The following ENOX1 variants were observed in gnomAD, a reference collection of about 807,000 sequenced individuals.
ENOX1 encodes the protein ecto-NOX disulfide-thiol exchanger 1, also known as candidate growth-related and time keeping constitutive hydroquinone (NADH) oxidase.
In ENOX1, 42 loss-of-function variants were observed where a neutral mutation model predicts 82.5. That is an observed-to-expected ratio of 0.51 (90% CI 0.40 to 0.66). The LOEUF is 0.66. Ranked by LOEUF, ENOX1 falls within the 30% of genes least tolerant of loss-of-function variation. The pLI is 0.00. For synonymous variants in ENOX1, 271 were observed against 282.2 expected (o/e 0.96, Z 0.40); for missense variants, 608 against 811.6 (o/e 0.75, Z 3.05).
chr13:43,410,207 T>C (rs1462922603), intron 5 of ENOX1, among the ~76,000 whole-genome samples: 1 of 152,178 alleles, frequency 6.6e-6, no homozygotes, highest in African/African-American at 2.4e-5. Context: ...CTGAGAGAAG[T>C]AGGAGGTGAG....
intron 2 of ENOX1, among the ~76,000 whole-genome samples, chr13:43,584,799 CCT>C (rs1311701636): frequency 6.6e-6 from 1 of 152,108 alleles, no homozygotes; most frequent in Non-Finnish European, 1.5e-5. Context: ...TCCTGCTCCC[CCT>C]GTTGATCCAT....
At chr13:43,701,667 T>C (rs374856187) in intron 1 of ENOX1, among the ~76,000 whole-genome samples, 2 of 152,208 alleles carry the variant, frequency 1.3e-5, no homozygotes, top group East Asian at 3.8e-4. Flanking sequence ...TCCAGAACTA[T>C]ATTTTTGGGA....
chr13:43,606,077 T>C (rs558162233), intron 2 of ENOX1, among the ~76,000 whole-genome samples: 1 of 152,146 alleles, frequency 6.6e-6, no homozygotes, highest in East Asian at 1.9e-4. Context: ...TCATTGACCA[T>C]CAGAGAAATG....
chr13:43,304,464 G>A (rs997127885), intron 11 of ENOX1, among the ~76,000 whole-genome samples: 5 of 152,098 alleles, frequency 3.3e-5, no homozygotes, highest in Admixed American at 1.3e-4. Context: ...TGTAAGTGCC[G>A]CCCATCCCAG....
intron 1 of ENOX1, among the ~76,000 whole-genome samples, chr13:43,679,460 C>T (rs1293857144): frequency 2.0e-5 from 3 of 152,192 alleles, no homozygotes; most frequent in Non-Finnish European, 4.4e-5. Flanking sequence ...TGCTCCATCC[C>T]TCATGTTTTA....
chr13:43,610,444 T>C (rs2082150669), intron 2 of ENOX1, among the ~76,000 whole-genome samples: 1 of 152,208 alleles, frequency 6.6e-6, no homozygotes, highest in South Asian at 2.1e-4. Flanking sequence ...TTCAAAATGA[T>C]ATTTTTAAAG....
At chr13:43,400,597 T>C (rs1033115151) in intron 5 of ENOX1, among the ~76,000 whole-genome samples, 3 of 152,168 alleles carry the variant, frequency 2.0e-5, no homozygotes, top group Non-Finnish European at 4.4e-5. Flanking sequence ...TTCATAGAAG[T>C]CTACTTGATG....
chr13:43,392,933 T>C (rs1398758365), intron 5 of ENOX1, among the ~76,000 whole-genome samples: 1 of 152,208 alleles, frequency 6.6e-6, no homozygotes, highest in Non-Finnish European at 1.5e-5. Flanking sequence ...TTTCTCTGTG[T>C]TCAGCCACGA....
intron 2 of ENOX1, among the ~76,000 whole-genome samples, chr13:43,535,136 TAC>T (rs1181688030): frequency 3.3e-5 from 5 of 152,302 alleles, no homozygotes; most frequent in Admixed American, 2.6e-4. Flanking sequence ...GAGATTACAC[TAC>T]AGAGTACATA....
At chr13:43,290,384 T>C (rs9594923) in intron 12 of ENOX1, among the ~76,000 whole-genome samples, 24,928 of 149,984 alleles carry the variant, frequency 0.17, 2,228 homozygotes, top group Non-Finnish European at 0.21. Flanking sequence ...TATATATATA[T>C]ACACACACAC....
chr13:43,298,305 C>G (rs2046386199), intron 12 of ENOX1, 41 bp downstream of exon 12: 1 of 1,495,910 alleles, frequency 6.7e-7, no homozygotes, highest in African/African-American at 1.7e-5. Flanking sequence ...ATACACATAT[C>G]TCTTTCTCTC....
rs11425103 is a variant in ENOX1 at position 43,369,031 on chromosome 13, C to CTTT, written c.209-7582_209-7580dup. 1.3e-4 allele frequency among the ~76,000 whole-genome samples: 19 copies of CTTT among 150,176 alleles called. No individual in the cohort carries two copies. In the South Asian group the frequency reaches 3.8e-3, roughly 30 times the overall value. On this transcript the variant is annotated intron_variant, in intron 5 of 16. Coordinates refer to ENST00000690772, the MANE Select transcript of ENOX1 (RefSeq NM_001347969.2). Reference sequence around the variant, plus strand: ...TCACTAGCTCCTGACATTGCCCATTCTTTTTTTTTTAACAGTTTTCAAAGT... The same window carrying CTTT: ...TCACTAGCTCCTGACATTGCCCATTCTTTTTTTTTTTTTAACAGTTTTCAAAGT...
intron 1 of ENOX1, among the ~76,000 whole-genome samples, chr13:43,686,468 T>C (rs2086081285): frequency 6.6e-6 from 1 of 152,134 alleles, no homozygotes; most frequent in African/African-American, 2.4e-5. Flanking sequence ...GTGAAGATAA[T>C]ACAGGGAAAG....
intron 15 of ENOX1, among the ~76,000 whole-genome samples, chr13:43,233,828 G>A (rs766386691): frequency 2.6e-5 from 4 of 152,076 alleles, no homozygotes; most frequent in Non-Finnish European, 5.9e-5. Context: ...CTGTGTCCTT[G>A]GCCTTCTAGG....
intron 12 of ENOX1, among the ~76,000 whole-genome samples, chr13:43,284,665 C>T (rs1437689945): frequency 3.3e-5 from 5 of 151,918 alleles, no homozygotes; most frequent in South Asian, 2.1e-4. Context: ...CATTTATAAG[C>T]GCTACTTATT....
chr13:43,679,937 T>C (rs542455833), intron 1 of ENOX1, among the ~76,000 whole-genome samples: 6 of 152,356 alleles, frequency 3.9e-5, no homozygotes, highest in Non-Finnish European at 8.8e-5. Flanking sequence ...AGTGTAAACA[T>C]ACTGACCTTT....
intron 3 of ENOX1, among the ~76,000 whole-genome samples, chr13:43,464,827 G>A (rs1412271050): frequency 3.9e-5 from 6 of 152,108 alleles, no homozygotes; most frequent in Non-Finnish European, 1.5e-5. Flanking sequence ...GTCCAGTCTA[G>A]GATATCACAT....
chr13:43,296,594 T>G (rs2046298159), intron 12 of ENOX1, among the ~76,000 whole-genome samples: 1 of 152,142 alleles, frequency 6.6e-6, no homozygotes, highest in African/African-American at 2.4e-5. Context: ...ACAAGGAGAT[T>G]CTGAAAAGTT....
chr13:43,629,090 A>C (rs2083094794), intron 2 of ENOX1, among the ~76,000 whole-genome samples: 1 of 152,166 alleles, frequency 6.6e-6, no homozygotes, highest in African/African-American at 2.4e-5. Flanking sequence ...AGTCGTTACC[A>C]ACCAGCAGGG....
Sources: gnomAD v4.1 joint callset for allele counts (sites outside exome capture counted in the v4.1 genomes callset) on GRCh38, gnomAD v4.1.1 for gene constraint, MANE v1.5 for transcripts, NCBI Gene and HGNC (gene_info 2026-07-23, HGNC 2026-07-21) for gene names.